BUD31: variants seen among roughly 807,000 people sequenced by gnomAD.
BUD31 encodes the protein protein BUD31 homolog.
Under a neutral mutation model 17.9 loss-of-function variants are expected in BUD31, and 9 were observed. The observed-to-expected ratio is 0.50, with a 90% CI of 0.30 to 0.88. BUD31 has a LOEUF of 0.88. BUD31 is among the 40% of genes least tolerant of loss of function. The pLI is 0.06. For missense variants in BUD31, 148 were observed against 184.5 expected, an observed-to-expected ratio of 0.80 and a Z score of 1.15; for synonymous variants, 70 against 64.7, an observed-to-expected ratio of 1.08 and a Z score of -0.39.
rs1584442065 is a variant in BUD31 at position 99,417,249 on chromosome 7, T to TA, written c.218-179dup. ...TGTATTTTTAGTAGAGACGGGGTTT[T>TA]ACCATGTTGGCCGGGCTGGTCCTGA... On this transcript the variant is annotated intron_variant, in intron 4 of 5. Transcript: ENST00000222969. The TA allele has an allele frequency of 1.9e-4, 108 of 561,942 alleles. 1 individual carries two copies. The East Asian group carries it at 3.5e-3, about 18-fold the overall frequency. 34.8% of individuals were successfully genotyped at this position (561,942 alleles called of 1,614,324 possible).
intron 3 of BUD31, among the ~76,000 whole-genome samples, chr7:99,412,923 C>G (rs1446881245): frequency 6.6e-6 from 1 of 152,122 alleles, no homozygotes; most frequent in East Asian, 1.9e-4. Flanking sequence ...GCCCGACCAA[C>G]GCTTGGCTAA....
At chr7:99,418,303 T>C (rs2150939737) in intron 5 of BUD31, 1 of 162,728 alleles carries the variant, frequency 6.1e-6, no homozygotes, top group Non-Finnish European at 1.4e-5. Flanking sequence ...CTGTTCCAAG[T>C]ACCACTCCTA....
chr7:99,419,447 G>C lies in BUD31; in HGVS notation c.*6G>C. The C allele has an allele frequency of 1.2e-6, 2 of 1,611,246 alleles. No homozygotes were observed. Among genetic ancestry groups the C allele is most frequent in the Non-Finnish European group, 1.7e-6 (2 of 1,179,998 alleles). On this transcript the variant is annotated 3_prime_UTR_variant, in exon 6 of 6. Transcript: ENST00000222969. Reference sequence around the variant, plus strand: ...GTCGTGGCTGCTCTGGCTGAGGCTGGCGCGCTCCACCCTGGACTCTGGACT... The same window carrying C: ...GTCGTGGCTGCTCTGGCTGAGGCTGCCGCGCTCCACCCTGGACTCTGGACT...
chr7:99,417,983 C>T (rs1001362260), intron 5 of BUD31: 2 of 1,174,918 alleles, frequency 1.7e-6, no homozygotes, highest in Non-Finnish European at 2.1e-6. Context: ...TTCCCGCCCC[C>T]CCAAGACGGA....
chr7:99,416,110 C>G, intron 3 of BUD31, 28 bp from the exon 4 acceptor site: 1 of 1,611,672 alleles, frequency 6.2e-7, no homozygotes, highest in Non-Finnish European at 8.5e-7. Context: ...ACCCTATTCC[C>G]CCAAACACAC....
chr7:99,415,602 C>G (rs1382781118), intron 3 of BUD31, among the ~76,000 whole-genome samples: 2 of 152,080 alleles, frequency 1.3e-5, no homozygotes, highest in African/African-American at 2.4e-5. Flanking sequence ...GATTCCCTTT[C>G]CCGGTCTGCT....
Position 99,416,525 on chromosome 7 carries a change from T to G in BUD31, c.217+265T>G, listed in dbSNP as rs186438804. Among the ~76,000 whole-genome samples the G allele has an allele frequency of 9.9e-5, 15 of 152,026 alleles. No homozygotes were observed. In the East Asian group the frequency reaches 2.9e-3, roughly 29 times the overall value. ...AGCTCCACTTCCTGGGTTCAAGCGATTCTCCTGTCTCAGCTCCCAAGTAGC... is the reference window on the plus strand; with the variant it reads ...AGCTCCACTTCCTGGGTTCAAGCGAGTCTCCTGTCTCAGCTCCCAAGTAGC... On this transcript the variant is annotated intron_variant, in intron 4 of 5. Coordinates refer to ENST00000222969, the MANE Select transcript of BUD31 (RefSeq NM_003910.4).
chr7:99,416,282 G>A, intron 4 of BUD31, 22 bp downstream of exon 4: 2 of 1,604,826 alleles, frequency 1.2e-6, no homozygotes, highest in Non-Finnish European at 8.5e-7. Flanking sequence ...GTCTCTCTTG[G>A]ACTTTGAAGC....
chr7:99,415,304 G>T (rs1156695288), intron 3 of BUD31: 1 of 454,466 alleles, frequency 2.2e-6, no homozygotes, highest in Admixed American at 2.4e-5. Flanking sequence ...TGGAAAGCGG[G>T]CCCTTGCCTG....
intron 2 of BUD31, among the ~76,000 whole-genome samples, chr7:99,410,722 G>A (rs956124532): frequency 6.6e-6 from 1 of 152,142 alleles, no homozygotes; most frequent in Non-Finnish European, 1.5e-5. Context: ...GCTTTTAGTT[G>A]AAGTTAGCTA....
chr7:99,412,885 T>C (rs1795244905), intron 3 of BUD31, among the ~76,000 whole-genome samples: 1 of 151,570 alleles, frequency 6.6e-6, no homozygotes, highest in African/African-American at 2.4e-5. Flanking sequence ...GCTCCCAAAG[T>C]GCTAGGATTA....
chr7:99,416,151 G>T lies in BUD31; in HGVS notation c.108G>T (p.Pro36=). The T allele has an allele frequency of 7.4e-6, 12 of 1,613,416 alleles. No individual in the cohort carries two copies. The highest frequency in any genetic ancestry group is 1.0e-5 in the Non-Finnish European group (12 of 1,179,598). Residue 36 remains proline, a synonymous_variant, in exon 4 of 6, where the codon CCG becomes CCT. Transcript: ENST00000222969. Reference sequence around the variant, plus strand: ...GTTTCTCCCCAGCTGAAACAGAACCGCATGAGGGAAAGAGGAAAGTGGAAT... The same window carrying T: ...GTTTCTCCCCAGCTGAAACAGAACCTCATGAGGGAAAGAGGAAAGTGGAAT... ...DQKMREAETE[P]HEGKRKVESL... is the part of the protein sequence containing the mutation.
At chr7:99,413,529 T>A (rs1033483697) in intron 3 of BUD31, among the ~76,000 whole-genome samples, 2 of 152,240 alleles carry the variant, frequency 1.3e-5, no homozygotes, top group Admixed American at 1.3e-4. Flanking sequence ...GATTAATTAT[T>A]ACGCTGTAGA....
chr7:99,412,635 G>A (rs914522052), intron 3 of BUD31, among the ~76,000 whole-genome samples: 33 of 147,438 alleles, frequency 2.2e-4, no homozygotes, highest in African/African-American at 8.0e-4. Context: ...TTTTTGAGAC[G>A]GAGTCTCGCT....
intron 3 of BUD31, among the ~76,000 whole-genome samples, chr7:99,412,634 C>G (rs201131356): frequency 2.0e-5 from 3 of 148,212 alleles, no homozygotes; most frequent in Admixed American, 2.0e-4. Context: ...TTTTTTGAGA[C>G]GGAGTCTCGC....
intron 4 of BUD31, 53 bp downstream of exon 4, chr7:99,416,313 C>G: frequency 6.3e-7 from 1 of 1,581,914 alleles, no homozygotes; most frequent in African/African-American, 1.3e-5. Flanking sequence ...TTTGGAGTTA[C>G]TGAACTAACC....
intron 3 of BUD31, among the ~76,000 whole-genome samples, chr7:99,414,588 C>T (rs1735350473): frequency 6.6e-6 from 1 of 151,830 alleles, no homozygotes; most frequent in African/African-American, 2.4e-5. Flanking sequence ...TCAGTACTTA[C>T]TTCATTCCCT....
chr7:99,415,095 C>T (rs372778394), intron 3 of BUD31: 15 of 406,378 alleles, frequency 3.7e-5, no homozygotes, highest in Middle Eastern at 8.3e-4. Context: ...TGTGTGGAGA[C>T]GAGAGAGCGT....
At chr7:99,409,510 C>T (rs116357726) in intron 1 of BUD31, among the ~76,000 whole-genome samples, 215 of 151,960 alleles carry the variant, frequency 1.4e-3, no homozygotes, top group African/African-American at 5.0e-3. Context: ...GGATCAGGGC[C>T]CTCGAATTTC....
Sources: gnomAD v4.1 joint callset for allele counts (sites outside exome capture counted in the v4.1 genomes callset) on GRCh38, gnomAD v4.1.1 for gene constraint, MANE v1.5 for transcripts, NCBI Gene and HGNC (gene_info 2026-07-23, HGNC 2026-07-21) for gene names.